Variants in FAT3 observed in about 807,000 individuals in gnomAD.
The protein encoded by FAT3 is protocadherin Fat 3.
FAT3 carries 95 observed loss-of-function variants against 310.2 expected under a neutral mutation model. The observed-to-expected ratio is 0.31, with a 90% CI of 0.26 to 0.36. The LOEUF (loss-of-function observed/expected upper bound fraction) is 0.36. Among genes scored for constraint, FAT3 ranks in the 10% least tolerant of loss-of-function variants. The probability of loss-of-function intolerance (pLI) is 1.00; values close to 1 mark genes in which losing one functional copy is unlikely to be tolerated. For synonymous variants in FAT3, 2,314 were observed against 2,192.9 expected (o/e 1.06, Z -1.54); for missense variants, 5,408 against 5,715.6 (o/e 0.95, Z 1.74).
intron 3 of FAT3, among the ~76,000 whole-genome samples, chr11:92,669,048 G>A (rs1400374138): frequency 6.6e-6 from 1 of 152,176 alleles, no homozygotes; most frequent in African/African-American, 2.4e-5. Context: ...ATTACAGGGG[G>A]TCCTGTGAAG....
intron 17 of FAT3, among the ~76,000 whole-genome samples, chr11:92,839,588 T>G (rs1948487052): frequency 1.3e-5 from 2 of 152,188 alleles, no homozygotes; most frequent in Admixed American, 1.3e-4. Context: ...TAAGACTAAT[T>G]CAACACATAA....
intron 1 of FAT3, among the ~76,000 whole-genome samples, chr11:92,265,346 C>T (rs1484453435): frequency 2.0e-5 from 3 of 151,946 alleles, no homozygotes; most frequent in Non-Finnish European, 4.4e-5. Flanking sequence ...CCTCCCTTAC[C>T]CTTCAGTATT....
At chr11:92,344,282 A>G (rs1336340093) in intron 1 of FAT3, among the ~76,000 whole-genome samples, 6 of 152,168 alleles carry the variant, frequency 3.9e-5, no homozygotes, top group Non-Finnish European at 1.5e-5. Flanking sequence ...TTCCATTTTG[A>G]GTTACCTGAT....
At chr11:92,425,103 T>C (rs1950602746) in intron 2 of FAT3, among the ~76,000 whole-genome samples, 1 of 152,224 alleles carries the variant, frequency 6.6e-6, no homozygotes, top group Admixed American at 6.5e-5. Flanking sequence ...GAGTTATTTC[T>C]TTTTGGAATC....
chr11:92,822,800 A>G (rs1343924063), intron 13 of FAT3, among the ~76,000 whole-genome samples: 1 of 152,194 alleles, frequency 6.6e-6, no homozygotes, highest in Non-Finnish European at 1.5e-5. Flanking sequence ...GAAAATAGAC[A>G]GTTTCAGCTT....
chr11:92,698,606 A>G (rs1008294452), intron 4 of FAT3, among the ~76,000 whole-genome samples: 14 of 152,122 alleles, frequency 9.2e-5, no homozygotes, highest in Non-Finnish European at 1.9e-4. Flanking sequence ...TATTATTATT[A>G]TCATCATCAT....
chr11:92,692,212 G>T (rs1943816232), intron 3 of FAT3, among the ~76,000 whole-genome samples: 1 of 152,174 alleles, frequency 6.6e-6, no homozygotes, highest in African/African-American at 2.4e-5. Flanking sequence ...AGAGCATTCA[G>T]ACAGCTTTAA....
chr11:92,605,521 T>C (rs1210501297), intron 3 of FAT3, among the ~76,000 whole-genome samples: 2 of 152,070 alleles, frequency 1.3e-5, no homozygotes, highest in Non-Finnish European at 2.9e-5. Flanking sequence ...TACACATTAG[T>C]ATATAATGGG....
intron 2 of FAT3, among the ~76,000 whole-genome samples, chr11:92,445,723 A>T (rs1314322861): frequency 6.6e-6 from 1 of 152,102 alleles, no homozygotes; most frequent in Non-Finnish European, 1.5e-5. Context: ...TAAGTCCATC[A>T]AGGAGCCTGT....
At chr11:92,302,952 C>T (rs992297057) in intron 1 of FAT3, among the ~76,000 whole-genome samples, 2 of 152,034 alleles carry the variant, frequency 1.3e-5, no homozygotes, top group South Asian at 2.1e-4. Flanking sequence ...ATGAACAGAG[C>T]GGGTGCCTGT....
intron 2 of FAT3, among the ~76,000 whole-genome samples, chr11:92,507,474 T>C (rs922274937): frequency 6.6e-6 from 1 of 151,942 alleles, no homozygotes; most frequent in Non-Finnish European, 1.5e-5. Context: ...TATATATGTG[T>C]GGGGGTGTGT....
chr11:92,750,075 T>C (rs570712512), intron 4 of FAT3, among the ~76,000 whole-genome samples: 73 of 152,304 alleles, frequency 4.8e-4, no homozygotes, highest in Admixed American at 1.3e-4. Flanking sequence ...AGAGGGTCAA[T>C]GTGGCAGCAC....
intron 3 of FAT3, among the ~76,000 whole-genome samples, chr11:92,632,073 C>G (rs911650988): frequency 2.0e-5 from 3 of 152,154 alleles, no homozygotes; most frequent in Non-Finnish European, 4.4e-5. Context: ...TCTGTGTTTA[C>G]AGTTACTGTT....
chr11:92,286,865 T>C (rs1946574245), intron 1 of FAT3, among the ~76,000 whole-genome samples: 1 of 152,164 alleles, frequency 6.6e-6, no homozygotes, highest in Non-Finnish European at 1.5e-5. Flanking sequence ...CATTACTCCC[T>C]CTTGAACAAA....
At position 92,799,097 on chromosome 11, in the gene FAT3, A is replaced by T. The variant is rs1489611460; in HGVS notation, c.6084A>T (p.Ile2028=). Reference sequence around the variant, plus strand: ...TAAACCCAGGAAATAAGTTCAAGATAAAATCTACCTCAGGGGTCATTCAGA... The same window carrying T: ...TAAACCCAGGAAATAAGTTCAAGATTAAATCTACCTCAGGGGTCATTCAGA... The part of the protein sequence containing the change: ...SILNPGNKFK[I]KSTSGVIQTT... The change falls in exon 10 of 28, where the codon ATA becomes ATT. Residue 2028 remains isoleucine (I), a synonymous_variant. Transcript: ENST00000525166. 6.2e-7 allele frequency: 1 copy of T among 1,613,998 alleles called. No homozygotes were observed. The highest frequency in any genetic ancestry group is 1.1e-5 in the South Asian group (1 of 91,086).
In FAT3 at chr11:92,663,983, C is replaced by G. The variant is rs141563229; in HGVS notation, c.3608-33401C>G. Among the ~76,000 whole-genome samples, 448 of 152,284 alleles carry G rather than the reference C, an allele frequency of 2.9e-3. 3 individuals are homozygous for G. The highest frequency in any genetic ancestry group is 4.5e-3 in the Non-Finnish European group (306 of 68,030). ...AAGAACCTTCATAATTTGCCTTTCT[C>G]TACCTTTTCTGTCTTCAATCTTGAC... On this transcript the variant is annotated intron_variant, in intron 3 of 27. Coordinates refer to ENST00000525166, the MANE Select transcript of FAT3 (RefSeq NM_001367949.2).
intron 1 of FAT3, among the ~76,000 whole-genome samples, chr11:92,227,751 TC>T (rs1342967693): frequency 1.2e-5 from 1 of 83,786 alleles, no homozygotes; most frequent in Non-Finnish European, 2.7e-5. Flanking sequence ...TCTTTCTTCT[TC>T]TTTTTTTTTT....
At chr11:92,543,720 C>T (rs898856068) in intron 3 of FAT3, among the ~76,000 whole-genome samples, 1 of 152,170 alleles carries the variant, frequency 6.6e-6, no homozygotes, top group South Asian at 2.1e-4. Context: ...CTAAATTCAA[C>T]ACTCTCCGAC....
chr11:92,268,537 C>T (rs7122733), intron 1 of FAT3, among the ~76,000 whole-genome samples: 198 of 151,800 alleles, frequency 1.3e-3, no homozygotes, highest in African/African-American at 4.7e-3. Context: ...AAAATTAACC[C>T]CCAACCTTCC....
Sources: allele counts gnomAD v4.1 joint callset (sites outside exome capture counted in the v4.1 genomes callset), GRCh38; gene constraint gnomAD v4.1.1; transcripts MANE v1.5; gene names NCBI Gene and HGNC (gene_info 2026-07-23, HGNC 2026-07-21).